The following SLC24A2 variants were observed in gnomAD, a reference collection of about 807,000 sequenced individuals.
SLC24A2 encodes the protein sodium/potassium/calcium exchanger 2.
Under a neutral mutation model 62.0 loss-of-function variants are expected in SLC24A2, and 36 were observed. The ratio of observed to expected loss-of-function variants is 0.58; its 90% CI spans 0.44 to 0.77. The LOEUF (loss-of-function observed/expected upper bound fraction) is 0.77. SLC24A2 is among the 30% of genes least tolerant of loss of function. The pLI is 0.00. For synonymous variants in SLC24A2, 358 were observed against 294.0 expected, an observed-to-expected ratio of 1.22 and a Z score of -2.23; for missense variants, 846 against 817.9, an observed-to-expected ratio of 1.03 and a Z score of -0.42.
rs201022074 is a variant in SLC24A2, at chr9:19,653,392, CT to C, written c.931-31094del. Among the ~76,000 whole-genome samples, 279 of 152,282 alleles carry C rather than the reference CT, an allele frequency of 1.8e-3. 2 individuals are homozygous for C. Among genetic ancestry groups the C allele is most frequent in the African/African-American group, 6.4e-3 (266 of 41,544 alleles). ...GGGGACTCATTCACATATGTGTCTT[CT>C]TTGGTGCCTGACTCATGATAGGTGC... is the stretch of plus-strand genomic sequence containing the variant. On this transcript the variant is annotated intron_variant, in intron 2 of 10. Transcript: ENST00000341998.
the SLC24A2 span, among the ~76,000 whole-genome samples, chr9:20,008,597 C>G: frequency 2.0e-5 from 3 of 152,138 alleles, no homozygotes; most frequent in African/African-American, 7.2e-5. Context: ...TGGAGAAATC[C>G]TCTTATATTC....
the SLC24A2 span, among the ~76,000 whole-genome samples, chr9:20,157,816 C>G: frequency 6.6e-6 from 1 of 151,418 alleles, no homozygotes; most frequent in Non-Finnish European, 1.5e-5. Flanking sequence ...TTTCCATCAC[C>G]ATTAGCATCA....
At chr9:19,910,488 A>T in the SLC24A2 span, among the ~76,000 whole-genome samples, 877 of 152,128 alleles carry the variant, frequency 5.8e-3, 9 homozygotes, top group African/African-American at 0.02. Flanking sequence ...CCTCAAAAAC[A>T]TTCTCAATTT....
chr9:19,934,158 A>G, the SLC24A2 span, among the ~76,000 whole-genome samples: 1 of 152,222 alleles, frequency 6.6e-6, no homozygotes, highest in East Asian at 1.9e-4. The surrounding 1 kb of genome is among the most constrained non-coding windows in gnomAD (Gnocchi z 4.1). Context: ...AGATTTTCAG[A>G]GCAAACTAAA....
chr9:19,609,380 G>A (rs542043717), intron 4 of SLC24A2, among the ~76,000 whole-genome samples: 42 of 152,298 alleles, frequency 2.8e-4, no homozygotes, highest in Admixed American at 1.2e-3. Context: ...AGGAGACCCC[G>A]GTGGCCTCTG....
chr9:20,073,806 G>A, the SLC24A2 span, among the ~76,000 whole-genome samples: 2 of 150,870 alleles, frequency 1.3e-5, no homozygotes, highest in Admixed American at 1.3e-4. Flanking sequence ...TATACATTGT[G>A]TATGTATATG....
intron 2 of SLC24A2, among the ~76,000 whole-genome samples, chr9:19,658,530 G>A (rs2224489): frequency 0.33 from 50,082 of 152,044 alleles, 8,638 homozygotes; most frequent in Non-Finnish European, 0.39. Context: ...GGCAGGCACT[G>A]CTATTATCCC....
chr9:19,978,026 C>G, the SLC24A2 span, among the ~76,000 whole-genome samples: 7 of 152,148 alleles, frequency 4.6e-5, no homozygotes, highest in Non-Finnish European at 1.5e-5. Context: ...TGAGGGGTGT[C>G]TTGGTAACTT....
chr9:19,577,051 G>A (rs1836037449), intron 5 of SLC24A2, 29 bp from the exon 6 acceptor site: 1 of 1,570,276 alleles, frequency 6.4e-7, no homozygotes, highest in Non-Finnish European at 8.8e-7. Flanking sequence ...GCAGGAAGGA[G>A]ACACAATGAG....
At chr9:19,665,216 C>T (rs1268497966) in intron 2 of SLC24A2, among the ~76,000 whole-genome samples, 1 of 152,128 alleles carries the variant, frequency 6.6e-6, no homozygotes, top group Non-Finnish European at 1.5e-5. Flanking sequence ...AAGGGGAATG[C>T]ATGGGAGATT....
intron 2 of SLC24A2, among the ~76,000 whole-genome samples, chr9:19,721,731 A>G (rs1174490363): frequency 6.6e-6 from 1 of 152,118 alleles, no homozygotes; most frequent in South Asian, 2.1e-4. Flanking sequence ...TGGTCCTCCT[A>G]AATTAATCAT....
At chr9:19,947,808 A>AAAAGAAAG in the SLC24A2 span, among the ~76,000 whole-genome samples, 1,504 of 59,254 alleles carry the variant, frequency 0.025, 84 homozygotes, top group East Asian at 0.081. Flanking sequence ...AAAAAAAAAA[A>AAAAGAAAG]AAAGAAAGAA....
chr9:19,515,880 A>G lies in SLC24A2; in HGVS notation c.*273T>C, dbSNP rs1832901550. On this transcript the variant is annotated 3_prime_UTR_variant, in exon 11 of 11. Coordinates refer to ENST00000341998, the MANE Select transcript of SLC24A2 (RefSeq NM_020344.4). ...GTTTGCATCGACTGTACCTCCGACC[A>G]GCGAGGTGTACTTGTCAGTGGTGAA... 2.2e-6 allele frequency: 1 copy of G among 454,304 alleles called. No homozygotes were observed. The highest frequency in any genetic ancestry group is 4.1e-6 in the Non-Finnish European group (1 of 245,294). The allele number at this position is 454,304 out of a possible 1,614,324, so 28.1% of individuals were successfully genotyped here. A position where few individuals can be genotyped will look rare whatever the true frequency, so the allele number is the denominator to read the frequency against.
Position 19,574,075 on chromosome 9 carries a change from T to G in SLC24A2, c.1229-606A>C, listed in dbSNP as rs553112558. On this transcript the variant is annotated intron_variant, in intron 6 of 10. Coordinates refer to ENST00000341998, the MANE Select transcript of SLC24A2 (RefSeq NM_020344.4). Reference sequence around the variant, plus strand: ...TCCTCTGGGACTTGGGAATCTTATCTGTGAAATAAGAGGGTTCGACAGGTT... The same window carrying G: ...TCCTCTGGGACTTGGGAATCTTATCGGTGAAATAAGAGGGTTCGACAGGTT... 2.0e-5 allele frequency among the ~76,000 whole-genome samples: 3 copies of G among 152,278 alleles called. No individual in the cohort carries two copies. The East Asian group carries it at 5.8e-4, about 29-fold the overall frequency.
At position 19,635,483 on chromosome 9, in the gene SLC24A2, T is replaced by C. The variant is rs746311152; in HGVS notation, c.931-13184A>G. 1.1e-4 allele frequency among the ~76,000 whole-genome samples: 16 copies of C among 152,338 alleles called. No homozygotes were observed. The South Asian group carries it at 1.2e-3, about 12-fold the overall frequency. ...TATAATATTATCACCAGAAGTTTAC[T>C]ACTTACTAAATTATAGGAGCATTGG... On this transcript the variant is annotated intron_variant, in intron 2 of 10. Coordinates refer to ENST00000341998, the MANE Select transcript of SLC24A2 (RefSeq NM_020344.4).
At chr9:19,963,035 C>A in the SLC24A2 span, among the ~76,000 whole-genome samples, 3 of 152,116 alleles carry the variant, frequency 2.0e-5, no homozygotes, top group Admixed American at 1.3e-4. Flanking sequence ...TACGTCCCAT[C>A]AATACCTAAG....
At chr9:20,112,797 C>G in the SLC24A2 span, among the ~76,000 whole-genome samples, 1 of 151,898 alleles carries the variant, frequency 6.6e-6, no homozygotes, top group African/African-American at 2.4e-5. Flanking sequence ...TCTTGAACAG[C>G]CCCCATGACT....
the SLC24A2 span, among the ~76,000 whole-genome samples, chr9:20,103,061 G>A: frequency 6.6e-6 from 1 of 152,324 alleles, no homozygotes; most frequent in African/African-American, 2.4e-5. Context: ...CGCCTGGCTT[G>A]GAGTGTCCTA....
At chr9:19,921,973 C>T in the SLC24A2 span, among the ~76,000 whole-genome samples, 206 of 152,280 alleles carry the variant, frequency 1.4e-3, no homozygotes, top group African/African-American at 4.7e-3. Context: ...TAAGAAATGA[C>T]GCTCCTTCCC....
Sources: gnomAD v4.1 joint callset for allele counts (sites outside exome capture counted in the v4.1 genomes callset) on GRCh38, gnomAD v4.1.1 for gene constraint, Gnocchi (gnomAD v3.1) non-coding constraint, MANE v1.5 for transcripts, NCBI Gene and HGNC (gene_info 2026-07-23, HGNC 2026-07-21) for gene names.